TRPC5: variants seen among roughly 807,000 people sequenced by gnomAD.
TRPC5 encodes transient receptor potential cation channel subfamily C member 5.
A neutral mutation model predicts 56.5 loss-of-function variants in TRPC5; 9 were observed. That is an observed-to-expected ratio of 0.16 (90% confidence interval 0.10 to 0.28). TRPC5 has a LOEUF of 0.28. Ranked by LOEUF, TRPC5 falls within the 10% of genes least tolerant of loss-of-function variation. The pLI is 1.00. For missense variants in TRPC5, 469 were observed against 748.9 expected (o/e 0.63, Z 4.36); for synonymous variants, 282 against 278.5 (o/e 1.01, Z -0.13).
intron 1 of TRPC5, among the ~76,000 whole-genome samples, chrX:112,013,838 G>C (rs191241825): frequency 1.8e-5 from 2 of 111,842 alleles, no homozygotes; most frequent in Admixed American, 1.9e-4. Flanking sequence ...CCTCCCTGCA[G>C]CCTTGCATCT....
intron 7 of TRPC5, among the ~76,000 whole-genome samples, chrX:111,810,547 A>T (rs1332261972): frequency 9.0e-6 from 1 of 110,950 alleles, no homozygotes; most frequent in Non-Finnish European, 1.9e-5. Flanking sequence ...GAGTTAAAAA[A>T]TTGAGTGACA....
intron 7 of TRPC5, among the ~76,000 whole-genome samples, chrX:111,811,712 T>TG (rs1222755683): frequency 1.8e-5 from 2 of 110,853 alleles, no homozygotes; most frequent in Non-Finnish European, 3.8e-5. Flanking sequence ...ACAGTAAAAA[T>TG]GGGGGGAAAT....
chrX:111,809,695 A>G (rs1921636759), intron 7 of TRPC5, among the ~76,000 whole-genome samples: 1 of 110,621 alleles, frequency 9.0e-6, no homozygotes, highest in Non-Finnish European at 1.9e-5. Flanking sequence ...TAGTTGTTTA[A>G]TTTGGTGTTC....
chrX:112,025,615 A>G (rs1388960167), intron 1 of TRPC5, among the ~76,000 whole-genome samples: 1 of 111,745 alleles, frequency 8.9e-6, no homozygotes, highest in Non-Finnish European at 1.9e-5. Flanking sequence ...TTTGTAATAT[A>G]GTTCACAAAT....
rs373157920 is a variant in TRPC5 at position 111,963,612 on chromosome X, C to G, written c.-21-11171G>C. Among the ~76,000 whole-genome samples, 6 of 111,594 alleles carry G rather than the reference C, an allele frequency of 5.4e-5. No homozygotes were observed. In the South Asian group the frequency reaches 1.5e-3, roughly 28 times the overall value. ...CTGACACCTCACACGGCCGGGTACT[C>G]TTCTGAGACAAAACTTCCAGAGGAA... On this transcript the variant is annotated intron_variant, in intron 1 of 10. Coordinates refer to ENST00000262839, the MANE Select transcript of TRPC5 (RefSeq NM_012471.3).
intron 1 of TRPC5, among the ~76,000 whole-genome samples, chrX:112,080,292 G>A (rs1354294199): frequency 1.8e-5 from 2 of 110,089 alleles, no homozygotes; most frequent in South Asian, 3.9e-4. Context: ...TTTAACAGAC[G>A]AACCTGGGTG....
rs1279660255 is a variant in TRPC5 at position 111,773,770 on chromosome X, A to G, written c.*2543T>C. Among the ~76,000 whole-genome samples the G allele has an allele frequency of 9.0e-6, 1 of 111,271 alleles. No homozygotes were observed. The highest frequency in any genetic ancestry group is 3.3e-5 in the African/African-American group (1 of 30,572). On this transcript the variant is annotated 3_prime_UTR_variant, in exon 11 of 11. Transcript: ENST00000262839. ...ATAAAGTTCTCTTTTAGTTCTTTTT[A>G]TGTTTATAAATTTACTCTCAAGTTG...
intron 3 of TRPC5, chrX:111,903,245 T>A (rs1391498863): frequency 8.9e-6 from 1 of 112,377 alleles, no homozygotes; most frequent in African/African-American, 3.2e-5. Context: ...GTATTAAGTA[T>A]GTTTGCTCTA....
In TRPC5 at chrX:111,805,356, T is replaced by C. The variant is rs1291829040; in HGVS notation, c.1897-23218A>G. Among the ~76,000 whole-genome samples the C allele has an allele frequency of 2.7e-5, 3 of 111,646 alleles. No individual in the cohort carries two copies. In the Admixed American group the frequency reaches 2.9e-4, roughly 11 times the overall value. On this transcript the variant is annotated intron_variant, in intron 7 of 10. Transcript: ENST00000262839. ...GCCAGGCTTTGGTATCAATATGATG[T>C]TGGCCTCATAAAATGAGTTAGGGAG... is the stretch of plus-strand genomic sequence containing the variant.
At chrX:112,023,810 C>T (rs189080352) in intron 1 of TRPC5, among the ~76,000 whole-genome samples, 83 of 111,564 alleles carry the variant, frequency 7.4e-4, no homozygotes, top group African/African-American at 2.6e-3. Context: ...GGTTCCCTTG[C>T]TGAATATCCT....
intron 3 of TRPC5, among the ~76,000 whole-genome samples, chrX:111,865,559 C>G (rs1196880203): frequency 9.1e-6 from 1 of 110,282 alleles, no homozygotes; most frequent in Non-Finnish European, 1.9e-5. Context: ...ATCTCTTGCC[C>G]TCGTGATCTG....
At chrX:112,027,701 T>G (rs1188176391) in intron 1 of TRPC5, among the ~76,000 whole-genome samples, 1 of 110,746 alleles carries the variant, frequency 9.0e-6, no homozygotes, top group Non-Finnish European at 1.9e-5. Flanking sequence ...TTTCACCGTG[T>G]TAGCCATGAT....
At chrX:111,835,605 G>A (rs892655969) in intron 6 of TRPC5, among the ~76,000 whole-genome samples, 3 of 111,248 alleles carry the variant, frequency 2.7e-5, no homozygotes, top group Admixed American at 9.6e-5. Context: ...TGGCTAATAC[G>A]GTGAAACCCC....
intron 10 of TRPC5, among the ~76,000 whole-genome samples, 175 bp downstream of exon 10, chrX:111,778,809 AT>A (rs1945898460): frequency 8.9e-6 from 1 of 111,788 alleles, no homozygotes; most frequent in South Asian, 3.7e-4. Flanking sequence ...TGTGACATAC[AT>A]TGGTAAAATC....
chrX:111,933,351 A>G (rs1472674635), intron 2 of TRPC5, among the ~76,000 whole-genome samples: 1 of 111,398 alleles, frequency 9.0e-6, no homozygotes, highest in Non-Finnish European at 1.9e-5. Flanking sequence ...AAAATGAGAC[A>G]AAATGGCTGC....
chrX:111,905,707 G>A (rs1483849768), intron 3 of TRPC5, among the ~76,000 whole-genome samples: 1 of 110,252 alleles, frequency 9.1e-6, no homozygotes, highest in African/African-American at 3.3e-5. Context: ...GAGGTCAGGA[G>A]ATGGAGACCA....
intron 1 of TRPC5, among the ~76,000 whole-genome samples, chrX:111,969,703 G>T (rs772284175): frequency 3.6e-5 from 4 of 111,190 alleles, no homozygotes; most frequent in Non-Finnish European, 7.5e-5. Context: ...GTGGAAGTCA[G>T]GGGTGAGAAT....
rs144775128 is a variant in TRPC5, at chrX:112,075,184, C to T, written c.-22+6695G>A. Among the ~76,000 whole-genome samples the T allele has an allele frequency of 6.2e-5, 7 of 112,134 alleles. No homozygotes were observed. The East Asian group carries it at 1.7e-3, about 27-fold the overall frequency. On this transcript the variant is annotated intron_variant, in intron 1 of 10. Transcript: ENST00000262839. ...AATCAAAAGGATAACGTTTTCTGTTCGTTCTTGAGGTTAAATATTTTATGT... is the reference window on the plus strand; with the variant it reads ...AATCAAAAGGATAACGTTTTCTGTTTGTTCTTGAGGTTAAATATTTTATGT...
At chrX:111,807,956 C>CTGTGTGTGTGTGTG (rs60688414) in intron 7 of TRPC5, among the ~76,000 whole-genome samples, 59 of 91,921 alleles carry the variant, frequency 6.4e-4, no homozygotes, top group African/African-American at 2.3e-3. Flanking sequence ...CTCTCTCTCT[C>CTGTGTGTGTGTGTG]TGTGTGTGTG....
Sources: allele counts gnomAD v4.1 joint callset (sites outside exome capture counted in the v4.1 genomes callset), GRCh38; gene constraint gnomAD v4.1.1; transcripts MANE v1.5; gene names NCBI Gene and HGNC (gene_info 2026-07-23, HGNC 2026-07-21).